Variants in BICRA observed in about 807,000 individuals in gnomAD.
BICRA encodes BRD4 interacting chromatin remodeling complex associated protein, also known as BRD4-interacting chromatin-remodeling complex-associated protein.
A neutral mutation model predicts 96.9 loss-of-function variants in BICRA; 31 were observed. The ratio of observed to expected loss-of-function variants is 0.32; its 90% confidence interval spans 0.24 to 0.43. BICRA has a LOEUF of 0.43. Among genes scored for constraint, BICRA ranks in the 20% least tolerant of loss-of-function variants. The pLI is 1.00. For synonymous variants in BICRA, 1,350 were observed against 1,071.8 expected (o/e 1.26, Z -5.07); for missense variants, 2,283 against 2,190.3 (o/e 1.04, Z -0.84).
At chr19:47,685,912 T>C (rs1973150590) in intron 7 of BICRA, among the ~76,000 whole-genome samples, 2 of 152,226 alleles carry the variant, frequency 1.3e-5, no homozygotes, top group South Asian at 4.1e-4. Flanking sequence ...TCAGACCTTT[T>C]TTTTTCCTTG....
intron 1 of BICRA, among the ~76,000 whole-genome samples, chr19:47,668,613 G>A (rs1972818257): frequency 6.6e-6 from 1 of 151,142 alleles, no homozygotes; most frequent in African/African-American, 2.4e-5. Flanking sequence ...TCAGTCTCCT[G>A]AGTAGGCACG....
intron 1 of BICRA, among the ~76,000 whole-genome samples, chr19:47,639,452 G>A (rs1320346091): frequency 1.4e-4 from 21 of 150,114 alleles, no homozygotes; most frequent in African/African-American, 2.2e-4. Context: ...TCAGCCTCCC[G>A]AGTAGCTGGG....
chr19:47,638,213 C>T (rs1350667678), intron 1 of BICRA, among the ~76,000 whole-genome samples: 1 of 152,086 alleles, frequency 6.6e-6, no homozygotes, highest in Non-Finnish European at 1.5e-5. Flanking sequence ...CGGGGTAGGC[C>T]CTGAGGCAGC....
In BICRA at chr19:47,680,592, G is replaced by T. The variant is rs570502021; in HGVS notation, c.1422G>T (p.Leu474=). ...HMLPGQNQFL[L]PGAPAVQLPQ... ...TGCCGGGCCAGAACCAGTTCCTACT[G>T]CCTGGCGCCCCGGCGGTCCAGCTCC... is the stretch of plus-strand genomic sequence containing the variant. The change falls in exon 6 of 15, where the codon CTG becomes CTT. Residue 474 remains leucine, a synonymous_variant. Coordinates refer to ENST00000594866, the MANE Select transcript of BICRA (RefSeq NM_001394372.1). The T allele has an allele frequency of 3.1e-6, 5 of 1,608,286 alleles. No homozygotes were observed. The highest frequency in any genetic ancestry group is 2.2e-5 in the South Asian group (2 of 90,764).
chr19:47,697,194 A>T (rs1032754585), intron 11 of BICRA, among the ~76,000 whole-genome samples: 6 of 152,068 alleles, frequency 3.9e-5, no homozygotes, highest in African/African-American at 1.4e-4. Flanking sequence ...TTTAGTAGAG[A>T]TGGAGTTTCA....
chr19:47,668,481 G>T (rs950456942), intron 1 of BICRA, among the ~76,000 whole-genome samples: 1 of 140,508 alleles, frequency 7.1e-6, no homozygotes, highest in African/African-American at 2.7e-5. Flanking sequence ...TCACATCTTT[G>T]TGAGTCTTTT....
At chr19:47,648,397 A>G (rs915604034) in intron 1 of BICRA, among the ~76,000 whole-genome samples, 1 of 151,886 alleles carries the variant, frequency 6.6e-6, no homozygotes, top group African/African-American at 2.4e-5. Flanking sequence ...CAGTCAGTCA[A>G]TATTTACACA....
chr19:47,621,136 G>A (rs979323503), intron 1 of BICRA, among the ~76,000 whole-genome samples: 3 of 152,128 alleles, frequency 2.0e-5, no homozygotes, highest in Non-Finnish European at 4.4e-5. Context: ...CATGAGTTCT[G>A]GTGTTTCTCC....
intron 9 of BICRA, 23 bp from the exon 10 acceptor site, chr19:47,695,342 T>TCGGGGGGGGCCCCCCCCCCCCCCCCCC: frequency 1.6e-6 from 1 of 630,194 alleles, no homozygotes; most frequent in Non-Finnish European, 2.8e-6. Flanking sequence ...AGGCCCTGTC[T>TCGGGGGGGGCCCCCCCCCCCCCCCCCC]CCCCCACCCC....
At position 47,702,440 on chromosome 19, in the gene BICRA, T is replaced by TC. The variant is rs923781493; in HGVS notation, c.*29dup. The stretch of plus-strand genomic sequence containing the variant: ...ACACCGGGCCGCCTCCCCTTCCCCG[T>TC]CCCCTCCTCCCGAAGACGCCGGGAC... On this transcript the variant is annotated 3_prime_UTR_variant, in exon 15 of 15. Coordinates refer to ENST00000594866, the MANE Select transcript of BICRA (RefSeq NM_001394372.1). The TC allele has an allele frequency of 6.9e-7, 1 of 1,452,616 alleles. No homozygotes were observed. Among genetic ancestry groups the TC allele is most frequent in the African/African-American group, 1.5e-5 (1 of 66,710 alleles). The allele number at this position is 1,452,616 out of a possible 1,614,324, so 90.0% of individuals were successfully genotyped here.
chr19:47,687,271 T>C (rs1360562212), intron 7 of BICRA, among the ~76,000 whole-genome samples: 1 of 152,154 alleles, frequency 6.6e-6, no homozygotes, highest in African/African-American at 2.4e-5. Context: ...ACACTGAAAT[T>C]GGAATTTCAT....
At chr19:47,659,726 A>ACACACACACG (rs1555787526) in intron 1 of BICRA, among the ~76,000 whole-genome samples, 2 of 141,174 alleles carry the variant, frequency 1.4e-5, no homozygotes, top group African/African-American at 5.4e-5. Flanking sequence ...ACACACACAC[A>ACACACACACG]CACACACGTT....
At chr19:47,696,779 G>A (rs1045860992) in intron 11 of BICRA, among the ~76,000 whole-genome samples, 11 of 152,144 alleles carry the variant, frequency 7.2e-5, no homozygotes, top group African/African-American at 2.7e-4. Context: ...GGTTGTTGCT[G>A]TGCCCTCCAT....
chr19:47,619,723 C>G (rs1335976297), intron 1 of BICRA, among the ~76,000 whole-genome samples: 1 of 152,168 alleles, frequency 6.6e-6, no homozygotes, highest in East Asian at 1.9e-4. Flanking sequence ...CATAATAAGA[C>G]CCTATCTCTC....
Position 47,680,521 on chromosome 19 carries a change from C to T in BICRA, c.1351C>T (p.Leu451Phe), listed in dbSNP as rs936467640. ...GALSKPMSVHLLNQGSSIVIP... is the reference protein window; with the variant it reads ...GALSKPMSVHFLNQGSSIVIP... ...CCTGAGCAAACCCATGAGCGTCCAC[C>T]TCCTGAACCAAGGCAGCAGCATCGT... Residue 451 changes from leucine (L) to phenylalanine (F), a missense_variant, in exon 6 of 15, where the codon CTC (leucine) becomes TTC (phenylalanine). Physicochemically the swap from Leu to Phe is conservative, Grantham distance 22. Transcript: ENST00000594866. 6.5e-7 allele frequency: 1 copy of T among 1,547,268 alleles called. No homozygotes were observed. Among genetic ancestry groups the T allele is most frequent in the Non-Finnish European group, 8.7e-7 (1 of 1,146,610 alleles).
At chr19:47,620,692 A>C (rs62130667) in intron 1 of BICRA, among the ~76,000 whole-genome samples, 6 of 148,678 alleles carry the variant, frequency 4.0e-5, no homozygotes, top group African/African-American at 1.5e-4. Context: ...AAAAAAAACA[A>C]GAACAAAACC....
intron 9 of BICRA, 131 bp from the exon 10 acceptor site, chr19:47,695,234 G>T: frequency 1.3e-6 from 1 of 761,590 alleles, no homozygotes; most frequent in Non-Finnish European, 2.2e-6. Context: ...AGGTGGCAGG[G>T]CTGGCCCCAG....
At chr19:47,640,705 A>G (rs1972371756) in intron 1 of BICRA, among the ~76,000 whole-genome samples, 1 of 151,880 alleles carries the variant, frequency 6.6e-6, no homozygotes, top group Admixed American at 6.6e-5. Flanking sequence ...TGAAAAGGTG[A>G]CATTTGAACA....
chr19:47,669,606 TA>T (rs1398735508), intron 1 of BICRA, among the ~76,000 whole-genome samples: 1 of 152,168 alleles, frequency 6.6e-6, no homozygotes, highest in Non-Finnish European at 1.5e-5. Flanking sequence ...ATATATGGGA[TA>T]ATAGTATGTA....
Sources: gnomAD v4.1 joint callset for allele counts (sites outside exome capture counted in the v4.1 genomes callset) on GRCh38, gnomAD v4.1.1 for gene constraint, MANE v1.5 for transcripts, NCBI Gene and HGNC (gene_info 2026-07-23, HGNC 2026-07-21) for gene names.